The following COLEC11 variants were observed in gnomAD, a reference collection of about 807,000 sequenced individuals.
COLEC11 encodes the protein collectin-11.
In COLEC11, 20 loss-of-function variants were observed where a neutral mutation model predicts 27.3. That is an observed-to-expected ratio of 0.73 (90% CI 0.51 to 1.06). COLEC11 has a LOEUF of 1.06. Among genes scored for constraint, COLEC11 ranks in the 50% least tolerant of loss-of-function variants. COLEC11 has a pLI of 0.00. For synonymous variants in COLEC11, 163 were observed against 154.7 expected (o/e 1.05, Z -0.40); for missense variants, 310 against 383.0 (o/e 0.81, Z 1.59).
In COLEC11 at chr2:3,643,717, T is replaced by C. The variant is rs2147974880; in HGVS notation, c.425-10T>C. On this transcript the variant is annotated splice_polypyrimidine_tract_variant and intron_variant, in intron 6 of 6. Coordinates refer to ENST00000349077, the MANE Select transcript of COLEC11 (RefSeq NM_024027.5). ...AAGTGCTCACTTTTCAACCCTGCCT[T>C]ACCCCACAGCTGTCGCCGGTGTGCG... 2 of 1,613,578 alleles carry C rather than the reference T, an allele frequency of 1.2e-6. No homozygotes were observed. Among genetic ancestry groups the C allele is most frequent in the Middle Eastern group, 1.7e-4 (1 of 5,992 alleles).
Position 3,643,939 on chromosome 2 carries a change from G to T in COLEC11, c.637G>T (p.Ala213Ser). 6.2e-7 allele frequency: 1 copy of T among 1,614,158 alleles called. No individual in the cohort carries two copies. Among genetic ancestry groups the T allele is most frequent in the Non-Finnish European group, 8.5e-7 (1 of 1,180,050 alleles). Residue 213 changes from alanine to serine, a missense_variant, in exon 7 of 7, where the codon GCC becomes TCC. By Grantham distance (99) the Ala-to-Ser change is moderately conservative. Coordinates refer to ENST00000349077, the MANE Select transcript of COLEC11 (RefSeq NM_024027.5). ...IGINDLEKEG[A>S]FVYSDHSPMR... ...CATCAACGACCTGGAGAAGGAGGGC[G>T]CCTTCGTGTACTCTGACCACTCCCC...
intron 3 of COLEC11, among the ~76,000 whole-genome samples, chr2:3,636,363 A>G (rs953939657): frequency 2.6e-5 from 4 of 152,110 alleles, no homozygotes; most frequent in African/African-American, 9.7e-5. Flanking sequence ...GCTGAGGCAG[A>G]AGAATGGTGT....
chr2:3,642,554 C>T (rs1416768401), intron 5 of COLEC11, among the ~76,000 whole-genome samples: 2 of 152,216 alleles, frequency 1.3e-5, no homozygotes, highest in East Asian at 3.9e-4. Flanking sequence ...TCAATATATG[C>T]AAGCAATTCT....
intron 4 of COLEC11, among the ~76,000 whole-genome samples, chr2:3,638,039 AGGGTGTGGGATGGCAGCAGC>A (rs1329067207): frequency 1.3e-5 from 2 of 152,190 alleles, no homozygotes; most frequent in East Asian, 3.8e-4. Context: ...TGGTGAGAAC[AGGGTGTGGGATGGCAGCAGC>A]GGGTGTGGGC....
intron 3 of COLEC11, among the ~76,000 whole-genome samples, chr2:3,620,289 G>C (rs1316379836): frequency 6.6e-6 from 1 of 151,888 alleles, no homozygotes; most frequent in Non-Finnish European, 1.5e-5. Flanking sequence ...TTTGTGGGTT[G>C]TATGTTTCTA....
chr2:3,604,464 C>T lies in COLEC11; in HGVS notation c.124C>T (p.Leu42Phe), dbSNP rs201746286. 6.2e-7 allele frequency: 1 copy of T among 1,613,960 alleles called. No individual in the cohort carries two copies. The highest frequency in any genetic ancestry group is 2.2e-5 in the East Asian group (1 of 44,896). ...ACSVQILVPG[L>F]KGDAGEKGDK... ...CTCTGTGCAGATCCTCGTCCCTGGC[C>T]TCAAAGGTAACCGCTCCCTGGACTC... is the stretch of plus-strand genomic sequence containing the variant. The change falls in exon 2 of 7, where the codon CTC becomes TTC. Residue 42 changes from leucine (L) to phenylalanine (F), a missense_variant. Physicochemically the swap from Leu to Phe is conservative, Grantham distance 22. Transcript: ENST00000349077.
intron 5 of COLEC11, among the ~76,000 whole-genome samples, chr2:3,642,029 T>G (rs1434519272): frequency 6.6e-6 from 1 of 152,072 alleles, no homozygotes; most frequent in African/African-American, 2.4e-5. Context: ...AAGGTTAGGG[T>G]CCGTCCAGGG....
At chr2:3,621,499 G>A (rs779930860) in intron 3 of COLEC11, among the ~76,000 whole-genome samples, 2 of 152,060 alleles carry the variant, frequency 1.3e-5, no homozygotes, top group African/African-American at 4.8e-5. Flanking sequence ...AAGCTACTCC[G>A]TGTCTTTTGA....
chr2:3,605,933 C>T (rs1224371974), intron 2 of COLEC11: 6 of 857,786 alleles, frequency 7.0e-6, no homozygotes, highest in African/African-American at 5.1e-5. Context: ...AGTGGACTGT[C>T]CTGCAGCCCA....
At chr2:3,605,144 G>T (rs545679740) in intron 2 of COLEC11, 11 of 464,528 alleles carry the variant, frequency 2.4e-5, no homozygotes, top group South Asian at 1.7e-4. Context: ...AAGCCTGGGG[G>T]AGCCCGGTGT....
intron 3 of COLEC11, among the ~76,000 whole-genome samples, chr2:3,620,545 T>C (rs919970375): frequency 6.6e-5 from 10 of 152,168 alleles, no homozygotes; most frequent in African/African-American, 2.4e-4. Context: ...TCTTTGATTA[T>C]TTCTGCTCTG....
rs147577412 is a variant in COLEC11 at position 3,617,442 on chromosome 2, C to T, written c.202+4060C>T. Reference sequence around the variant, plus strand: ...GAAAGGGGCAGCACAGTCATTTAAACTTGATCCAATCTCTTTGCATCTTAC... The same window carrying T: ...GAAAGGGGCAGCACAGTCATTTAAATTTGATCCAATCTCTTTGCATCTTAC... On this transcript the variant is annotated intron_variant, in intron 3 of 6. Transcript: ENST00000349077. 7.8e-4 allele frequency: 944 copies of T among 1,210,274 alleles called. 9 individuals are homozygous for T. The African/African-American group carries it at 0.013, about 16-fold the overall frequency. The allele number at this position is 1,210,274 out of a possible 1,614,324, so 75.0% of individuals were successfully genotyped here. A position where few individuals can be genotyped will look rare whatever the true frequency, so the allele number is the denominator to read the frequency against.
At chr2:3,638,321 C>G (rs1665586698) in intron 4 of COLEC11, among the ~76,000 whole-genome samples, 1 of 152,178 alleles carries the variant, frequency 6.6e-6, no homozygotes, top group South Asian at 2.1e-4. Context: ...ATGCTGGGCT[C>G]TGGGGGACGA....
At chr2:3,606,025 T>C (rs1662663902) in intron 2 of COLEC11, 4 of 1,529,248 alleles carry the variant, frequency 2.6e-6, no homozygotes, top group Admixed American at 4.1e-5. Flanking sequence ...GGAAGCAACT[T>C]AAACTGTTGG....
intron 3 of COLEC11, among the ~76,000 whole-genome samples, chr2:3,619,828 G>T (rs1229129809): frequency 6.6e-6 from 1 of 152,186 alleles, no homozygotes; most frequent in Non-Finnish European, 1.5e-5. Context: ...GTTTCACCAT[G>T]TTGGCCAGGC....
At chr2:3,609,053 T>TG (rs1662963012) in intron 2 of COLEC11, among the ~76,000 whole-genome samples, 1 of 152,200 alleles carries the variant, frequency 6.6e-6, no homozygotes, top group Non-Finnish European at 1.5e-5. Context: ...GTGAGGCATT[T>TG]GGGGTGCCTG....
In COLEC11 at chr2:3,637,546, C is replaced by A. The variant is rs781745731; in HGVS notation, c.216C>A (p.Asp72Glu). 3 of 1,613,912 alleles carry A rather than the reference C, an allele frequency of 1.9e-6. No individual in the cohort carries two copies. In the South Asian group the frequency reaches 3.3e-5, roughly 18 times the overall value. Residue 72 changes from aspartate to glutamate, a missense_variant, in exon 4 of 7, where the codon GAC becomes GAA. By Grantham distance (45) the Asp-to-Glu change is conservative. Transcript: ENST00000349077. ...GPTGEKGDMG[D>E]KGQKGSVGRH... is the part of the protein sequence containing the mutation. Reference sequence around the variant, plus strand: ...TGTTTTCTACAGGAGACATGGGGGACAAAGGACAGAAAGGCAGTGTGGGTC... The same window carrying A: ...TGTTTTCTACAGGAGACATGGGGGAAAAAGGACAGAAAGGCAGTGTGGGTC...
At position 3,602,891 on chromosome 2, in the gene COLEC11, C is replaced by G. The variant is rs571468873; in HGVS notation, c.-26-1424C>G. Among the ~76,000 whole-genome samples the G allele has an allele frequency of 6.6e-6, 1 of 152,356 alleles. No homozygotes were observed. The highest frequency in any genetic ancestry group is 2.4e-5 in the African/African-American group (1 of 41,596). On this transcript the variant is annotated intron_variant, in intron 1 of 6. Coordinates refer to ENST00000349077, the MANE Select transcript of COLEC11 (RefSeq NM_024027.5). This position sits in a 1 kb window ranked among gnomAD's most constrained non-coding sequence, Gnocchi z 6.2. ...CCCGGCCACTGGACTCTGCCTCACT[C>G]TTCCCCACGGCGCTTACCCCTGCCT...
chr2:3,639,599 A>AT (rs920438055), intron 4 of COLEC11, among the ~76,000 whole-genome samples: 4 of 152,220 alleles, frequency 2.6e-5, no homozygotes, highest in Admixed American at 2.6e-4. Context: ...ATTAGAACTT[A>AT]TTTCTATTAA....
Sources: gnomAD v4.1 joint callset for allele counts (sites outside exome capture counted in the v4.1 genomes callset) on GRCh38, gnomAD v4.1.1 for gene constraint, Gnocchi (gnomAD v3.1) non-coding constraint, MANE v1.5 for transcripts, NCBI Gene and HGNC (gene_info 2026-07-23, HGNC 2026-07-21) for gene names.